The following SCAPER variants were observed in gnomAD, a reference collection of about 807,000 sequenced individuals.
SCAPER encodes the protein S phase cyclin A-associated protein in the endoplasmic reticulum.
SCAPER carries 98 observed loss-of-function variants against 182.2 expected under a neutral mutation model. The ratio of observed to expected loss-of-function variants is 0.54; its 90% CI spans 0.46 to 0.64. SCAPER has a LOEUF of 0.64. SCAPER is among the 30% of genes least tolerant of loss of function. The pLI, the probability that SCAPER is intolerant of heterozygous loss-of-function variation, is 0.00. For missense variants in SCAPER, 1,432 were observed against 1,690.0 expected (o/e 0.85, Z 2.68); for synonymous variants, 605 against 564.6 (o/e 1.07, Z -1.01).
intron 21 of SCAPER, among the ~76,000 whole-genome samples, chr15:76,649,353 C>T (rs1466169127): frequency 6.6e-6 from 1 of 151,928 alleles, no homozygotes; most frequent in African/African-American, 2.4e-5. Flanking sequence ...TCACTTGAGC[C>T]TGAGAAGTTG....
rs1567131595 is a variant in SCAPER, at chr15:76,434,256, C to G, written c.3133G>C (p.Val1045Leu). 6.2e-7 allele frequency: 1 copy of G among 1,613,658 alleles called. No individual in the cohort carries two copies. Among genetic ancestry groups the G allele is most frequent in the South Asian group, 1.1e-5 (1 of 91,048 alleles). ...TILGRNTNKQ[V>L]FEGLTTGLLK... ...AGTCCAGTTGTCAAGCCTTCAAAAA[C>G]TTGTTTATTTGTATTTCTCCCCAAA... The change falls in exon 26 of 32, where the codon GTT (valine) becomes CTT (leucine). Residue 1045 changes from valine (V) to leucine (L), a missense_variant. Physicochemically the swap from Val to Leu is conservative, Grantham distance 32 (BLOSUM62 1). This residue lies in a region of SCAPER where 718 missense variants were observed against 799.7 expected (regional missense o/e 0.90). Transcript: ENST00000563290.
chr15:76,825,733 G>T (rs994195228), intron 5 of SCAPER, among the ~76,000 whole-genome samples: 1 of 151,992 alleles, frequency 6.6e-6, no homozygotes. Context: ...GCACCAAGAA[G>T]ATCTGTTTTT....
At chr15:76,471,725 T>C (rs1246778333) in intron 24 of SCAPER, among the ~76,000 whole-genome samples, 1 of 152,074 alleles carries the variant, frequency 6.6e-6, no homozygotes, top group Non-Finnish European at 1.5e-5. Context: ...GATCACCTGG[T>C]CCGGGATAAG....
chr15:76,573,212 G>A (rs1465520337), intron 23 of SCAPER, among the ~76,000 whole-genome samples: 1 of 152,074 alleles, frequency 6.6e-6, no homozygotes, highest in Non-Finnish European at 1.5e-5. Flanking sequence ...CTTTAATTCT[G>A]TACAGTATTC....
At chr15:76,499,492 T>C (rs1417097358) in intron 24 of SCAPER, among the ~76,000 whole-genome samples, 3 of 152,216 alleles carry the variant, frequency 2.0e-5, no homozygotes, top group African/African-American at 7.2e-5. Flanking sequence ...ACTGCTTTGC[T>C]TTCATCTGCT....
chr15:76,634,510 C>T (rs1316183066), intron 21 of SCAPER, among the ~76,000 whole-genome samples: 1 of 152,116 alleles, frequency 6.6e-6, no homozygotes, highest in African/African-American at 2.4e-5. Flanking sequence ...AGGGATTACA[C>T]TGAAGCTGTA....
intron 20 of SCAPER, among the ~76,000 whole-genome samples, chr15:76,689,078 G>A (rs2058202508): frequency 6.6e-6 from 1 of 151,802 alleles, no homozygotes; most frequent in Admixed American, 6.6e-5. Flanking sequence ...TCGATCTCCT[G>A]ACCTAGTGAT....
At chr15:76,725,020 C>A (rs1302772404) in intron 17 of SCAPER, among the ~76,000 whole-genome samples, 1 of 152,036 alleles carries the variant, frequency 6.6e-6, no homozygotes, top group Non-Finnish European at 1.5e-5. Flanking sequence ...TTCTGCGTTG[C>A]TCACACTGGG....
At chr15:76,820,594 T>C (rs1451494374) in intron 5 of SCAPER, among the ~76,000 whole-genome samples, 1 of 39,252 alleles carries the variant, frequency 2.5e-5, no homozygotes, top group Non-Finnish European at 4.8e-5. Context: ...TGTTGTGGGT[T>C]GGGGGGAGGG....
At chr15:76,510,011 T>C (rs1034324211) in intron 23 of SCAPER, among the ~76,000 whole-genome samples, 2 of 152,156 alleles carry the variant, frequency 1.3e-5, no homozygotes, top group African/African-American at 2.4e-5. Flanking sequence ...GCTGGGATAA[T>C]TGGCAAGCCA....
At chr15:76,491,150 C>G (rs1045776722) in intron 24 of SCAPER, among the ~76,000 whole-genome samples, 1 of 152,160 alleles carries the variant, frequency 6.6e-6, no homozygotes, top group Non-Finnish European at 1.5e-5. Context: ...TTTTTGGACT[C>G]TCTGTTCTGC....
chr15:76,802,910 GA>G (rs2065898303), intron 6 of SCAPER, among the ~76,000 whole-genome samples: 1 of 152,108 alleles, frequency 6.6e-6, no homozygotes, highest in South Asian at 2.1e-4. Flanking sequence ...CCTTTGTACA[GA>G]ACCAAAATAA....
chr15:76,769,753 G>T (rs892515852), intron 10 of SCAPER, among the ~76,000 whole-genome samples: 1 of 152,186 alleles, frequency 6.6e-6, no homozygotes, highest in African/African-American at 2.4e-5. Context: ...GGAAGACTTG[G>T]TGGGAGTGTA....
intron 24 of SCAPER, among the ~76,000 whole-genome samples, chr15:76,474,001 A>G (rs910688870): frequency 6.6e-6 from 1 of 151,982 alleles, no homozygotes; most frequent in Non-Finnish European, 1.5e-5. Context: ...TAGTAGAGAC[A>G]GGTTTCCTCT....
At chr15:76,457,743 A>G (rs1596736426) in intron 25 of SCAPER, among the ~76,000 whole-genome samples, 1 of 149,614 alleles carries the variant, frequency 6.7e-6, no homozygotes, top group East Asian at 1.9e-4. Flanking sequence ...ACAGAACAAA[A>G]TGAAAAATTT....
intron 14 of SCAPER, among the ~76,000 whole-genome samples, chr15:76,763,229 T>C (rs1230836762): frequency 6.6e-6 from 1 of 151,940 alleles, no homozygotes; most frequent in Non-Finnish European, 1.5e-5. Context: ...CTTTCCAGGG[T>C]ATAGTAATCA....
rs114705075 is a variant in SCAPER, at chr15:76,862,445, C to T, written c.95G>A (p.Ser32Asn). Residue 32 changes from serine (S) to asparagine (N), a missense_variant, in exon 3 of 32, where the codon AGT (serine) becomes AAT (asparagine). Physicochemically the swap from Ser to Asn is conservative, Grantham distance 46. Around this residue, in one of 5 missense-constraint regions of SCAPER, gnomAD observed 480 missense variants for 510.2 expected, o/e 0.94. Transcript: ENST00000563290. Reference protein sequence around the residue: ...GRTARNLIAWSVPLESKDDDG... With the variant: ...GRTARNLIAWNVPLESKDDDG... Reference sequence around the variant, plus strand: ...ATCATCTTTGCTTTCTAGTGGAACACTCCAAGCTATTAGGTTTCTTGCTGT... The same window carrying T: ...ATCATCTTTGCTTTCTAGTGGAACATTCCAAGCTATTAGGTTTCTTGCTGT... 1.6e-3 allele frequency: 2,625 copies of T among 1,611,842 alleles called. 45 individuals are homozygous for T. The African/African-American group carries it at 0.032, about 20-fold the overall frequency.
intron 5 of SCAPER, among the ~76,000 whole-genome samples, chr15:76,821,373 C>T (rs1473596557): frequency 6.6e-6 from 1 of 152,228 alleles, no homozygotes; most frequent in Non-Finnish European, 1.5e-5. Flanking sequence ...AATCCCAGCA[C>T]TTTGGGAGGC....
intron 27 of SCAPER, among the ~76,000 whole-genome samples, chr15:76,383,049 G>T (rs1227790353): frequency 6.6e-6 from 1 of 151,650 alleles, no homozygotes; most frequent in African/African-American, 2.4e-5. Context: ...TTAACACTAC[G>T]AGTTAGTGTT....
Sources: gnomAD v4.1 joint callset for allele counts (sites outside exome capture counted in the v4.1 genomes callset) on GRCh38, gnomAD v4.1.1 for gene constraint, gnomAD v4.1.1 regional missense constraint, MANE v1.5 for transcripts, NCBI Gene and HGNC (gene_info 2026-07-23, HGNC 2026-07-21) for gene names.